The following TUB variants were observed in gnomAD, a reference collection of about 807,000 sequenced individuals.
The protein encoded by TUB is tubby protein homolog.
In TUB, 33 loss-of-function variants were observed where a neutral mutation model predicts 59.7. That is an observed-to-expected ratio of 0.55 (90% CI 0.42 to 0.74). TUB has a LOEUF of 0.74. TUB is among the 30% of genes least tolerant of loss of function. The probability of loss-of-function intolerance (pLI) is 0.00; values close to 1 mark genes in which losing one functional copy is unlikely to be tolerated. For missense variants in TUB, 659 were observed against 672.0 expected (o/e 0.98, Z 0.21); for synonymous variants, 293 against 256.4 (o/e 1.14, Z -1.36).
intron 1 of TUB, among the ~76,000 whole-genome samples, chr11:8,022,762 T>C (rs767204644): frequency 4.6e-5 from 7 of 152,046 alleles, no homozygotes; most frequent in Admixed American, 2.0e-4. Context: ...TGGTGGCACA[T>C]ACCTGTAATC....
At chr11:8,057,804 A>G (rs983509271) in intron 2 of TUB, among the ~76,000 whole-genome samples, 2 of 152,114 alleles carry the variant, frequency 1.3e-5, no homozygotes, top group African/African-American at 4.8e-5. Flanking sequence ...GGCCCAGGAA[A>G]GGCCTAGGCA....
At chr11:8,095,869 A>T (rs1252260522) in intron 5 of TUB, among the ~76,000 whole-genome samples, 1 of 152,230 alleles carries the variant, frequency 6.6e-6, no homozygotes. Context: ...TTGGGGGCAG[A>T]TTTCCTTTTC....
Position 8,101,505 on chromosome 11 carries a change from G to A in TUB, c.1407G>A (p.Gln469=). The A allele has an allele frequency of 6.2e-7, 1 of 1,614,242 alleles. No homozygotes were observed. Among genetic ancestry groups the A allele is most frequent in the Non-Finnish European group, 8.5e-7 (1 of 1,180,048 alleles). ...HGNDPDYIVM[Q]FGRVAEDVFT... ...CCCCAGCGGACTACATCGTGATGCA[G>A]TTTGGCCGGGTAGCAGAGGATGTGT... The change falls in exon 12 of 12, where the codon CAG becomes CAA. Residue 469 remains glutamine, a synonymous_variant. Coordinates refer to ENST00000299506, the MANE Select transcript of TUB (RefSeq NM_177972.3).
intron 2 of TUB, among the ~76,000 whole-genome samples, chr11:8,073,723 C>G (rs145776950): frequency 5.1e-4 from 78 of 152,362 alleles, no homozygotes; most frequent in Middle Eastern, 3.4e-3. Flanking sequence ...ACCACTCTTT[C>G]TATTTATAAT....
chr11:8,101,308 A>C (rs978830783), intron 11 of TUB, among the ~76,000 whole-genome samples, 178 bp from the exon 12 acceptor site: 2 of 151,574 alleles, frequency 1.3e-5, no homozygotes, highest in South Asian at 4.2e-4. Flanking sequence ...GCCATCTGCC[A>C]CCTCTTTCCT....
upstream of TUB, among the ~76,000 whole-genome samples, chr11:8,080,706 G>A (rs1943532956): frequency 6.6e-6 from 1 of 152,228 alleles, no homozygotes; most frequent in Admixed American, 6.5e-5. Flanking sequence ...AGCTTAGATG[G>A]GAGGGAGCCA....
At chr11:8,043,719 A>ATAGAACT (rs1467080676) in intron 2 of TUB, among the ~76,000 whole-genome samples, 10 of 152,188 alleles carry the variant, frequency 6.6e-5, no homozygotes, top group South Asian at 2.1e-4. Context: ...ATGCAAGTGT[A>ATAGAACT]TAGAACTATG....
intron 2 of TUB, among the ~76,000 whole-genome samples, chr11:8,047,270 G>A (rs1013633602): frequency 2.0e-5 from 3 of 152,128 alleles, no homozygotes; most frequent in African/African-American, 7.2e-5. Flanking sequence ...CAGCCTTCAA[G>A]ACTTGGTATC....
At chr11:8,100,419 C>T in intron 9 of TUB, 84 bp from the exon 10 acceptor site, 2 of 1,063,786 alleles carry the variant, frequency 1.9e-6, no homozygotes, top group Non-Finnish European at 2.9e-6. Context: ...GGAACTAGCT[C>T]TTCCTCTTTA....
intron 2 of TUB, chr11:8,068,687 C>T (rs7125936): frequency 0.032 from 4,923 of 152,708 alleles, 262 homozygotes; most frequent in African/African-American, 0.11. Context: ...CTGCCTGGTT[C>T]CCTGTCAGAC....
At chr11:8,040,271 C>T (rs1942725710) in intron 2 of TUB, among the ~76,000 whole-genome samples, 1 of 152,166 alleles carries the variant, frequency 6.6e-6, no homozygotes, top group Non-Finnish European at 1.5e-5. Flanking sequence ...GTTTCTTGGC[C>T]CACAGAATGG....
chr11:8,100,866 C>A lies in TUB; in HGVS notation c.1256C>A (p.Thr419Lys). Residue 419 changes from threonine to lysine, a missense_variant, in exon 11 of 12, where the codon ACG (threonine) becomes AAG (lysine). Transcript: ENST00000299506. ...TLLARWQNKN[T>K]ESIIELQNKT... Reference sequence around the variant, plus strand: ...CTAGCACGCTGGCAGAATAAGAACACGGAGAGTATCATCGAGCTGCAAAAC... The same window carrying A: ...CTAGCACGCTGGCAGAATAAGAACAAGGAGAGTATCATCGAGCTGCAAAAC... The A allele has an allele frequency of 5.6e-6, 9 of 1,614,146 alleles. No homozygotes were observed. Among genetic ancestry groups the A allele is most frequent in the Non-Finnish European group, 7.6e-6 (9 of 1,180,020 alleles).
intron 3 of TUB, among the ~76,000 whole-genome samples, chr11:8,092,908 TCA>T (rs1943829190): frequency 6.6e-6 from 1 of 152,192 alleles, no homozygotes; most frequent in Non-Finnish European, 1.5e-5. Flanking sequence ...ACATCAGACC[TCA>T]CAGTTTATCC....
intron 2 of TUB, among the ~76,000 whole-genome samples, chr11:8,053,745 C>G (rs1942970118): frequency 6.7e-6 from 1 of 149,982 alleles, no homozygotes; most frequent in Admixed American, 6.6e-5. Flanking sequence ...TCGCGATCCG[C>G]CTGCCTTGGC....
chr11:8,031,579 G>A (rs1322446000), intron 1 of TUB, among the ~76,000 whole-genome samples: 21 of 152,346 alleles, frequency 1.4e-4, no homozygotes, highest in South Asian at 4.1e-4. Flanking sequence ...TCGGTCTGCC[G>A]TGAGGTGAGG....
At chr11:8,075,051 G>A (rs189098337) in intron 2 of TUB, among the ~76,000 whole-genome samples, 41 of 151,190 alleles carry the variant, frequency 2.7e-4, no homozygotes, top group African/African-American at 9.4e-4. Context: ...GGCCAACCCT[G>A]TCTCATAAAA....
In TUB at chr11:8,097,408, C is replaced by G; in HGVS notation, c.868C>G (p.Arg290Gly). The change falls in exon 7 of 12, where the codon CGT becomes GGT. Residue 290 changes from arginine (R) to glycine (G), a missense_variant. Arg to Gly is a moderately radical substitution (Grantham distance 125). Coordinates refer to ENST00000299506, the MANE Select transcript of TUB (RefSeq NM_177972.3). ...MYPTYFLHLD[R>G]EDGKKVFLLA... Reference sequence around the variant, plus strand: ...CCCCACCTACTTTCTGCACCTGGACCGTGAGGATGGGAAGAAGGTAAGGTT... The same window carrying G: ...CCCCACCTACTTTCTGCACCTGGACGGTGAGGATGGGAAGAAGGTAAGGTT... 6.2e-7 allele frequency: 1 copy of G among 1,614,164 alleles called. No individual in the cohort carries two copies. Among genetic ancestry groups the G allele is most frequent in the Non-Finnish European group, 8.5e-7 (1 of 1,180,018 alleles).
At position 8,105,690 on chromosome 11, in the gene TUB, A is replaced by C. The variant is rs574572835; in HGVS notation, c.*4071A>C. The C allele has an allele frequency of 1.3e-5, 2 of 148,586 alleles. No individual in the cohort carries two copies. The highest frequency in any genetic ancestry group is 3.9e-4 in the East Asian group (2 of 5,072). 9.2% of individuals were successfully genotyped at this position (148,586 alleles called of 1,614,324 possible). A position where few individuals can be genotyped will look rare whatever the true frequency, so the allele number is the denominator to read the frequency against. On this transcript the variant is annotated 3_prime_UTR_variant, in exon 12 of 12. Transcript: ENST00000299506. ...ATGAAAATTATTCCTTGCTTTCATC[A>C]CTACCTTTATAGCTCTCATCACTAC...
At chr11:8,074,102 T>C (rs1943406316) in intron 2 of TUB, among the ~76,000 whole-genome samples, 1 of 152,132 alleles carries the variant, frequency 6.6e-6, no homozygotes, top group East Asian at 1.9e-4. Flanking sequence ...TGTGGTTTTT[T>C]TTTTTACCAA....
Sources: allele counts gnomAD v4.1 joint callset (sites outside exome capture counted in the v4.1 genomes callset), GRCh38; gene constraint gnomAD v4.1.1; transcripts MANE v1.5; gene names NCBI Gene and HGNC (gene_info 2026-07-23, HGNC 2026-07-21).